SNTG2: variants seen among roughly 807,000 people sequenced by gnomAD.
SNTG2 encodes syntrophin gamma 2.
In SNTG2, 74 loss-of-function variants were observed where a neutral mutation model predicts 70.9. The observed-to-expected ratio is 1.04, with a 90% CI of 0.86 to 1.27. The LOEUF (loss-of-function observed/expected upper bound fraction) is 1.27, where lower values mean the gene tolerates loss of function less well. Ranked by LOEUF, SNTG2 falls within the 50% of genes most tolerant of loss-of-function variation. SNTG2 has a pLI of 0.00. For synonymous variants in SNTG2, 278 were observed against 273.8 expected, an observed-to-expected ratio of 1.02 and a Z score of -0.15; for missense variants, 717 against 690.7, an observed-to-expected ratio of 1.04 and a Z score of -0.43.
rs1193896511 is a variant in SNTG2, at chr2:981,988, T to C, written c.72+30920T>C. On this transcript the variant is annotated intron_variant, in intron 1 of 16. Transcript: ENST00000308624. ...TACACAGATGCACACTCACATGCAC[T>C]TGTGCACACACGTGTCCACACAGAT... 2.0e-5 allele frequency among the ~76,000 whole-genome samples: 3 copies of C among 152,040 alleles called. No homozygotes were observed. The East Asian group carries it at 5.8e-4, about 30-fold the overall frequency.
intron 1 of SNTG2, among the ~76,000 whole-genome samples, chr2:994,319 G>A (rs1459149415): frequency 1.8e-4 from 27 of 152,068 alleles, no homozygotes. Flanking sequence ...TATAATACAT[G>A]TGAGGGTTTA....
At chr2:1,301,677 G>A (rs562519245) in intron 14 of SNTG2, among the ~76,000 whole-genome samples, 5 of 152,302 alleles carry the variant, frequency 3.3e-5, no homozygotes, top group African/African-American at 1.2e-4. Flanking sequence ...CCAGAAGGGA[G>A]TGTCCCAATA....
At chr2:1,034,225 TTAGTTTGCTTGGAA>T (rs1661005355) in intron 1 of SNTG2, among the ~76,000 whole-genome samples, 1 of 152,184 alleles carries the variant, frequency 6.6e-6, no homozygotes, top group South Asian at 2.1e-4. Context: ...TGTTCTTGGG[TTAGTTTGCTTGGAA>T]TAATGGCCTC....
chr2:1,076,316 T>A (rs1280624951), intron 1 of SNTG2, among the ~76,000 whole-genome samples: 2 of 152,156 alleles, frequency 1.3e-5, no homozygotes, highest in African/African-American at 2.4e-5. Context: ...TATGGCCCAG[T>A]AATTTGCGTG....
At chr2:1,255,885 AATATATATAAAT>A (rs1357299646) in intron 12 of SNTG2, among the ~76,000 whole-genome samples, 6 of 90,478 alleles carry the variant, frequency 6.6e-5, no homozygotes, top group Admixed American at 1.5e-4. Context: ...TATATATATA[AATATATATAAAT>A]ATATATATAA....
At chr2:1,098,620 A>C (rs1665553554) in intron 4 of SNTG2, among the ~76,000 whole-genome samples, 1 of 152,152 alleles carries the variant, frequency 6.6e-6, no homozygotes, top group African/African-American at 2.4e-5. Context: ...TCTGGCCCTT[A>C]AGAGAGACAC....
intron 8 of SNTG2, among the ~76,000 whole-genome samples, chr2:1,207,025 A>T (rs1047117539): frequency 5.1e-4 from 78 of 152,360 alleles, no homozygotes; most frequent in Non-Finnish European, 3.1e-4. Flanking sequence ...GCACAGATTT[A>T]TTATTGTGCA....
At chr2:1,248,395 C>T (rs1389877348) in intron 12 of SNTG2, among the ~76,000 whole-genome samples, 2 of 152,222 alleles carry the variant, frequency 1.3e-5, no homozygotes, top group Non-Finnish European at 2.9e-5. Flanking sequence ...AACCACACTT[C>T]GCCCTCCAGT....
intron 6 of SNTG2, among the ~76,000 whole-genome samples, chr2:1,148,156 G>A (rs1413778792): frequency 6.6e-6 from 1 of 152,174 alleles, no homozygotes; most frequent in Non-Finnish European, 1.5e-5. Context: ...CCTGCAAGAG[G>A]GTCAGATCAG....
intron 16 of SNTG2, among the ~76,000 whole-genome samples, chr2:1,362,300 G>T (rs1429310296): frequency 2.0e-5 from 3 of 151,808 alleles, no homozygotes; most frequent in East Asian, 3.9e-4. Flanking sequence ...TTCCATGAAG[G>T]TCACCGACAC....
At chr2:1,247,159 C>T (rs1279655396) in intron 11 of SNTG2, among the ~76,000 whole-genome samples, 168 bp from the exon 12 acceptor site, 1 of 152,162 alleles carries the variant, frequency 6.6e-6, no homozygotes, top group Non-Finnish European at 1.5e-5. Context: ...TGATTCATTC[C>T]TATTGTGTGA....
chr2:970,901 C>T (rs1572177140), intron 1 of SNTG2, among the ~76,000 whole-genome samples: 1 of 152,272 alleles, frequency 6.6e-6, no homozygotes. Context: ...TGAAAAAATG[C>T]TCACCATCAC....
At chr2:1,350,073 T>C (rs1660496709) in intron 16 of SNTG2, among the ~76,000 whole-genome samples, 3 of 152,198 alleles carry the variant, frequency 2.0e-5, no homozygotes, top group Admixed American at 2.0e-4. Context: ...AGTATGCCCA[T>C]TTAGGAAATC....
intron 1 of SNTG2, among the ~76,000 whole-genome samples, chr2:971,249 G>A (rs1299877221): frequency 6.6e-6 from 1 of 152,168 alleles, no homozygotes. Context: ...GAATTTGTTT[G>A]TGAATTTGTC....
At chr2:1,071,058 A>C (rs1041963465) in intron 1 of SNTG2, among the ~76,000 whole-genome samples, 1 of 152,224 alleles carries the variant, frequency 6.6e-6, no homozygotes, top group Non-Finnish European at 1.5e-5. Flanking sequence ...ACTGGTGCAG[A>C]GGACACAGAA....
At chr2:1,178,834 G>A (rs1353304076) in intron 8 of SNTG2, among the ~76,000 whole-genome samples, 4 of 152,160 alleles carry the variant, frequency 2.6e-5, no homozygotes, top group Non-Finnish European at 4.4e-5. Flanking sequence ...AGTTAGGGAG[G>A]ATTCCCTCTT....
chr2:978,470 TAAAAAG>T (rs1660987171), intron 1 of SNTG2, among the ~76,000 whole-genome samples: 1 of 152,126 alleles, frequency 6.6e-6, no homozygotes, highest in Non-Finnish European at 1.5e-5. Context: ...AAAAATTAAA[TAAAAAG>T]GAATTTTGGG....
intron 9 of SNTG2, among the ~76,000 whole-genome samples, chr2:1,223,453 T>G (rs1219061989): frequency 2.6e-5 from 4 of 151,942 alleles, no homozygotes; most frequent in Admixed American, 1.3e-4. Context: ...TGATCTTGTG[T>G]CTCTGCCAAC....
chr2:1,215,501 A>T (rs1364845554), intron 9 of SNTG2, among the ~76,000 whole-genome samples: 5 of 150,574 alleles, frequency 3.3e-5, no homozygotes, highest in African/African-American at 4.9e-5. Flanking sequence ...GTTTCTAGGA[A>T]TTTTTTTTAA....
Sources: gnomAD v4.1 joint callset for allele counts (sites outside exome capture counted in the v4.1 genomes callset) on GRCh38, gnomAD v4.1.1 for gene constraint, MANE v1.5 for transcripts, NCBI Gene and HGNC (gene_info 2026-07-23, HGNC 2026-07-21) for gene names.